The following ULK4 variants were observed in gnomAD, a reference collection of about 807,000 sequenced individuals.
The protein encoded by ULK4 is inactive serine/threonine-protein kinase ULK4.
ULK4 carries 133 observed loss-of-function variants against 160.6 expected under a neutral mutation model. The observed-to-expected ratio is 0.83, with a 90% CI of 0.72 to 0.96. ULK4 has a LOEUF of 0.96. Ranked by LOEUF, ULK4 falls within the 40% of genes least tolerant of loss-of-function variation. ULK4 has a pLI of 0.00. For synonymous variants in ULK4, 534 were observed against 539.8 expected (o/e 0.99, Z 0.15); for missense variants, 1,580 against 1,499.5 (o/e 1.05, Z -0.89).
At chr3:41,577,661 T>C (rs976084425) in intron 31 of ULK4, among the ~76,000 whole-genome samples, 6 of 151,744 alleles carry the variant, frequency 4.0e-5, no homozygotes, top group African/African-American at 1.4e-4. Context: ...TTCTATTCTC[T>C]AGCTCCATGA....
intron 21 of ULK4, among the ~76,000 whole-genome samples, chr3:41,782,133 C>A (rs1230153410): frequency 6.6e-6 from 1 of 150,628 alleles, no homozygotes; most frequent in Non-Finnish European, 1.5e-5. Flanking sequence ...CTGATTTTCA[C>A]TTCATCTTCA....
At chr3:41,565,071 G>A (rs993145346) in intron 32 of ULK4, among the ~76,000 whole-genome samples, 5 of 152,196 alleles carry the variant, frequency 3.3e-5, no homozygotes, top group Non-Finnish European at 7.3e-5. Context: ...GCACAGGTTT[G>A]TAGTCTACGG....
At chr3:41,948,832 G>A (rs1249231530) in intron 2 of ULK4, among the ~76,000 whole-genome samples, 1 of 151,754 alleles carries the variant, frequency 6.6e-6, no homozygotes, top group African/African-American at 2.4e-5. Context: ...TGGTGAAAGA[G>A]TAAAGCTTTT....
chr3:41,787,676 C>T (rs1289272359), intron 21 of ULK4, among the ~76,000 whole-genome samples: 1 of 152,174 alleles, frequency 6.6e-6, no homozygotes, highest in East Asian at 1.9e-4. Flanking sequence ...ATATTTAACA[C>T]TACTGAACTG....
chr3:41,455,120 T>C (rs565239734), intron 34 of ULK4, among the ~76,000 whole-genome samples: 1 of 152,326 alleles, frequency 6.6e-6, no homozygotes, highest in East Asian at 1.9e-4. Context: ...GGTCTGTGTC[T>C]GTGCTTTTGC....
intron 34 of ULK4, among the ~76,000 whole-genome samples, chr3:41,444,994 C>A (rs1280294138): frequency 2.0e-5 from 3 of 152,158 alleles, no homozygotes; most frequent in South Asian, 4.1e-4. Flanking sequence ...AGCCCAAAAT[C>A]TCCTTAAGCT....
chr3:41,514,157 A>G (rs573652234), intron 32 of ULK4, among the ~76,000 whole-genome samples: 1 of 152,314 alleles, frequency 6.6e-6, no homozygotes, highest in East Asian at 1.9e-4. Flanking sequence ...TTGGAGGAAG[A>G]GGTAGATTTT....
chr3:41,387,587 T>C (rs938091398), intron 35 of ULK4, among the ~76,000 whole-genome samples: 10 of 152,200 alleles, frequency 6.6e-5, no homozygotes, highest in African/African-American at 1.7e-4. Flanking sequence ...TGTGCTCTCA[T>C]TGTTCAATTC....
At chr3:41,353,194 T>C (rs1449590742) in intron 35 of ULK4, among the ~76,000 whole-genome samples, 2 of 152,210 alleles carry the variant, frequency 1.3e-5, no homozygotes, top group Non-Finnish European at 2.9e-5. Flanking sequence ...TAGAACCCTC[T>C]CTGGAATTCA....
At chr3:41,651,733 G>A (rs954055605) in intron 30 of ULK4, among the ~76,000 whole-genome samples, 2 of 152,320 alleles carry the variant, frequency 1.3e-5, no homozygotes, top group African/African-American at 4.8e-5. Context: ...ATGTTAGGTA[G>A]CATTCCATTA....
chr3:41,919,573 G>A (rs1699114573), intron 6 of ULK4, 144 bp downstream of exon 6: 1 of 647,396 alleles, frequency 1.5e-6, no homozygotes, highest in Non-Finnish European at 2.6e-6. Flanking sequence ...CTGCACTCCA[G>A]ACTGGGTGAC....
At chr3:41,497,413 A>G (rs1020840981) in intron 32 of ULK4, among the ~76,000 whole-genome samples, 1 of 152,098 alleles carries the variant, frequency 6.6e-6, no homozygotes, top group Non-Finnish European at 1.5e-5. Flanking sequence ...TAATATACAT[A>G]TATCTATATA....
chr3:41,879,583 C>A (rs1304711809), intron 17 of ULK4, among the ~76,000 whole-genome samples: 1 of 152,090 alleles, frequency 6.6e-6, no homozygotes, highest in African/African-American at 2.4e-5. Flanking sequence ...ACAGCCTCAA[C>A]CTCCCAGGGT....
chr3:41,251,141 A>C (rs1421747779), intron 35 of ULK4: 1 of 152,182 alleles, frequency 6.6e-6, no homozygotes, highest in Non-Finnish European at 1.5e-5. Context: ...AGAAGGTGCA[A>C]ATAGAAATCT....
At chr3:41,944,030 G>A (rs1700040760) in intron 2 of ULK4, among the ~76,000 whole-genome samples, 3 of 152,174 alleles carry the variant, frequency 2.0e-5, no homozygotes, top group African/African-American at 4.8e-5. Flanking sequence ...CCAGAAAGGG[G>A]ACACCAACAA....
chr3:41,938,664 A>G (rs944955488), intron 2 of ULK4, among the ~76,000 whole-genome samples: 3 of 152,202 alleles, frequency 2.0e-5, no homozygotes, highest in African/African-American at 7.2e-5. Context: ...CCTGGGTGAC[A>G]GAGCAAGACT....
chr3:41,451,251 C>G (rs1386095463), intron 34 of ULK4, among the ~76,000 whole-genome samples: 1 of 151,666 alleles, frequency 6.6e-6, no homozygotes, highest in African/African-American at 2.4e-5. Flanking sequence ...CAAGAGGGGG[C>G]CTTTGGGAGG....
intron 35 of ULK4, among the ~76,000 whole-genome samples, chr3:41,391,453 A>C (rs945753178): frequency 1.3e-5 from 2 of 151,998 alleles, no homozygotes; most frequent in Non-Finnish European, 2.9e-5. Flanking sequence ...TCTTAACCCC[A>C]AGAAAAATAA....
intron 32 of ULK4, among the ~76,000 whole-genome samples, chr3:41,513,050 G>T (rs2085640747): frequency 6.6e-6 from 1 of 152,076 alleles, no homozygotes; most frequent in Non-Finnish European, 1.5e-5. Flanking sequence ...AGTGGGGAGA[G>T]GACACCCTAT....
Sources: gnomAD v4.1 joint callset for allele counts (sites outside exome capture counted in the v4.1 genomes callset) on GRCh38, gnomAD v4.1.1 for gene constraint, MANE v1.5 for transcripts, NCBI Gene and HGNC (gene_info 2026-07-23, HGNC 2026-07-21) for gene names.